Variants in CFAP99 observed in about 807,000 individuals in gnomAD.
CFAP99 encodes cilia and flagella associated protein 99.
Under a neutral mutation model 82.7 loss-of-function variants are expected in CFAP99, and 84 were observed. The observed-to-expected ratio is 1.02, with a 90% CI of 0.85 to 1.22. The LOEUF is 1.22. Among genes scored for constraint, CFAP99 ranks in the 50% most tolerant of loss-of-function variants. CFAP99 has a pLI of 0.00. For synonymous variants in CFAP99, 456 were observed against 429.5 expected, an observed-to-expected ratio of 1.06 and a Z score of -0.76; for missense variants, 1,059 against 983.5, an observed-to-expected ratio of 1.08 and a Z score of -1.03.
intron 4 of CFAP99, among the ~76,000 whole-genome samples, chr4:2,441,401 A>G (rs2108723962): frequency 6.6e-6 from 1 of 151,364 alleles, no homozygotes; most frequent in African/African-American, 2.4e-5. Context: ...ATTGTTGAAC[A>G]AAGATCCATG....
intron 13 of CFAP99, 105 bp from the exon 14 acceptor site, chr4:2,459,932 G>A: frequency 1.0e-6 from 1 of 982,820 alleles, no homozygotes. Context: ...GAAGCAGAGG[G>A]AAGGTGGGCA....
intron 4 of CFAP99, among the ~76,000 whole-genome samples, chr4:2,442,373 C>A (rs866259179): frequency 6.6e-6 from 1 of 152,040 alleles, no homozygotes; most frequent in East Asian, 1.9e-4. Context: ...GAAGCAGCTG[C>A]GGAAGGCTCT....
chr4:2,449,971 G>A (rs1453962121), exon 8 of CFAP99: 2 of 1,536,200 alleles, frequency 1.3e-6, no homozygotes, highest in Non-Finnish European at 1.7e-6. Flanking sequence ...GAACTGCGCT[G>A]CGCCATGCCC....
chr4:2,433,267 G>A (rs1423249278), intron 2 of CFAP99, among the ~76,000 whole-genome samples: 1 of 152,220 alleles, frequency 6.6e-6, no homozygotes, highest in Non-Finnish European at 1.5e-5. Context: ...TCATTGATGA[G>A]AAGCGGAGTC....
chr4:2,446,107 G>T lies in CFAP99; in HGVS notation c.642+799G>T, dbSNP rs1198633671. 6.6e-6 allele frequency among the ~76,000 whole-genome samples: 1 copy of T among 152,170 alleles called. No individual in the cohort carries two copies. Among genetic ancestry groups the T allele is most frequent in the Non-Finnish European group, 1.5e-5 (1 of 68,024 alleles). The stretch of plus-strand genomic sequence containing the variant: ...GAGGGGAAGGGGATGGTGCTGGGAG[G>T]CCCCAGAATCCTGCCCCACTCCCAC... On this transcript the variant is annotated intron_variant, in intron 6 of 14. Transcript: ENST00000635017. The surrounding 1 kb of genome is among the most constrained non-coding windows in gnomAD (Gnocchi z 5.0).
In CFAP99 at chr4:2,462,302, G is replaced by A; in HGVS notation, c.1662-141G>A. ...GAGCGCGCCGCGGCCCCTGGGCCTC[G>A]CTGTCTGTCCTAAATCATTCCGGTG... On this transcript the variant is annotated intron_variant, in intron 14 of 14. Coordinates refer to ENST00000635017, the Ensembl canonical transcript of CFAP99. The surrounding 1 kb of genome is among the most constrained non-coding windows in gnomAD (Gnocchi z 4.1). 1.2e-6 allele frequency: 1 copy of A among 819,136 alleles called. No homozygotes were observed. The highest frequency in any genetic ancestry group is 1.7e-6 in the Non-Finnish European group (1 of 579,896). 50.7% of individuals were successfully genotyped at this position (819,136 alleles called of 1,614,324 possible).
chr4:2,430,965 C>T (rs919384213), intron 2 of CFAP99, among the ~76,000 whole-genome samples: 1 of 151,738 alleles, frequency 6.6e-6, no homozygotes, highest in Non-Finnish European at 1.5e-5. Context: ...CCCAGCTACT[C>T]GGGGGCTAAG....
At chr4:2,461,606 G>A (rs1046435403) in intron 14 of CFAP99, among the ~76,000 whole-genome samples, 39 of 152,322 alleles carry the variant, frequency 2.6e-4, no homozygotes, top group African/African-American at 8.9e-4. Context: ...CCTGGTTGGT[G>A]TTAGGGTGCC....
chr4:2,435,550 C>T (rs1003225404), intron 2 of CFAP99, among the ~76,000 whole-genome samples: 1 of 152,114 alleles, frequency 6.6e-6, no homozygotes, highest in Non-Finnish European at 1.5e-5. Flanking sequence ...TATATTTAAT[C>T]ATTTACAGTA....
rs879797176 is a variant in CFAP99, at chr4:2,446,550, AC to A, written c.642+1245del. Among the ~76,000 whole-genome samples the A allele has an allele frequency of 8.6e-5, 13 of 151,730 alleles. No homozygotes were observed. The highest frequency in any genetic ancestry group is 5.3e-4 in the Admixed American group (8 of 15,232). On this transcript the variant is annotated intron_variant, in intron 6 of 14. Coordinates refer to ENST00000635017, the Ensembl canonical transcript of CFAP99. This position sits in a 1 kb window ranked among gnomAD's most constrained non-coding sequence, Gnocchi z 5.0. ...TGGGATTACAGGTACCGGCCACCAC[AC>A]CCGGCTAATTTTTATATTTTTAGTA...
chr4:2,445,622 C>G (rs570291863), intron 6 of CFAP99, among the ~76,000 whole-genome samples: 1 of 152,332 alleles, frequency 6.6e-6, no homozygotes, highest in East Asian at 1.9e-4. Flanking sequence ...ACTTTTAACT[C>G]TGGCGTAATG....
intron 14 of CFAP99, 121 bp downstream of exon 14, chr4:2,460,363 C>T: frequency 1.1e-6 from 1 of 884,564 alleles, no homozygotes; most frequent in Non-Finnish European, 1.7e-6. Flanking sequence ...CAGGAAGTTC[C>T]CTTGCCGTAA....
intron 14 of CFAP99, among the ~76,000 whole-genome samples, chr4:2,461,205 G>A (rs1351339525): frequency 6.6e-6 from 1 of 152,190 alleles, no homozygotes; most frequent in Non-Finnish European, 1.5e-5. Context: ...CTGGCAGCCA[G>A]GTCAGACATG....
chr4:2,462,899 GC>G lies in CFAP99; in HGVS notation c.2121del (p.Ala708ArgfsTer?). On this transcript the variant is annotated frameshift_variant, in exon 15 of 15. Coordinates refer to ENST00000635017, the Ensembl canonical transcript of CFAP99. LOFTEE classifies it high-confidence loss of function. This position sits in a 1 kb window ranked among gnomAD's most constrained non-coding sequence, Gnocchi z 4.1. Reference sequence around the variant, plus strand: ...TGCAGCAGGGAGGCTCAGGACCCGGGCCCGCGCGCCGCCTGGAGGCCGCCTG... The same window carrying G: ...TGCAGCAGGGAGGCTCAGGACCCGGGCCGCGCGCCGCCTGGAGGCCGCCTG... 1 of 1,322,396 alleles carries G rather than the reference GC, an allele frequency of 7.6e-7. No homozygotes were observed. The highest frequency in any genetic ancestry group is 9.6e-7 in the Non-Finnish European group (1 of 1,042,116). 81.9% of individuals were successfully genotyped at this position (1,322,396 alleles called of 1,614,324 possible). A position where few individuals can be genotyped will look rare whatever the true frequency, so the allele number is the denominator to read the frequency against.
intron 11 of CFAP99, among the ~76,000 whole-genome samples, chr4:2,457,690 T>C (rs1240381896): frequency 6.6e-6 from 1 of 152,238 alleles, no homozygotes; most frequent in Non-Finnish European, 1.5e-5. Context: ...CACTCATCGC[T>C]TGCCAAACAC....
Position 2,421,308 on chromosome 4 carries a change from T to C in CFAP99, c.-18+2215T>C, listed in dbSNP as rs538968921. The stretch of plus-strand genomic sequence containing the variant: ...CCTCATATAATCTCATTTGTGTCTA[T>C]AAAATATTTCCTAAGGAAAGAGAAG... On this transcript the variant is annotated intron_variant, in intron 1 of 14. Coordinates refer to ENST00000635017, the Ensembl canonical transcript of CFAP99. Among the ~76,000 whole-genome samples, 11 of 150,310 alleles carry C rather than the reference T, an allele frequency of 7.3e-5. No homozygotes were observed. The East Asian group carries it at 2.0e-3, about 27-fold the overall frequency.
chr4:2,431,677 C>A (rs748606465), intron 2 of CFAP99, among the ~76,000 whole-genome samples: 2 of 152,172 alleles, frequency 1.3e-5, no homozygotes, highest in Non-Finnish European at 2.9e-5. Context: ...TACACCCTCC[C>A]CAACCTCATG....
chr4:2,459,097 G>T lies in CFAP99; in HGVS notation c.1304-10G>T. 6.7e-7 allele frequency: 1 copy of T among 1,503,534 alleles called. No homozygotes were observed. The highest frequency in any genetic ancestry group is 2.5e-5 in the East Asian group (1 of 40,480). 93.1% of individuals were successfully genotyped at this position (1,503,534 alleles called of 1,614,324 possible). Reference sequence around the variant, plus strand: ...CACCAGCCACCTCAGCTCCTGGCTTGGCCCCCAAGTTCAGGAGGCGATCGA... The same window carrying T: ...CACCAGCCACCTCAGCTCCTGGCTTTGCCCCCAAGTTCAGGAGGCGATCGA... On this transcript the variant is annotated splice_polypyrimidine_tract_variant and intron_variant, in intron 12 of 14. Transcript: ENST00000635017.
In CFAP99 at chr4:2,458,718, G is replaced by C; in HGVS notation, c.1162-5G>C. ...CTCACCGTGGCAGGTCCGCTGTCTG[G>C]GCAGATGGCCAAGCTGATGCTGCAG... is the stretch of plus-strand genomic sequence containing the variant. On this transcript the variant is annotated splice_polypyrimidine_tract_variant and splice_region_variant and intron_variant, in intron 11 of 14. Coordinates refer to ENST00000635017, the Ensembl canonical transcript of CFAP99. 6.5e-7 allele frequency: 1 copy of C among 1,532,268 alleles called. No individual in the cohort carries two copies. Among genetic ancestry groups the C allele is most frequent in the South Asian group, 1.2e-5 (1 of 83,736 alleles). 94.9% of individuals were successfully genotyped at this position (1,532,268 alleles called of 1,614,324 possible).
Sources: gnomAD v4.1 joint callset for allele counts (sites outside exome capture counted in the v4.1 genomes callset) on GRCh38, gnomAD v4.1.1 for gene constraint, Gnocchi (gnomAD v3.1) non-coding constraint, MANE v1.5 for transcripts, NCBI Gene and HGNC (gene_info 2026-07-23, HGNC 2026-07-21) for gene names.